WASF1: variants seen among roughly 807,000 people sequenced by gnomAD.
WASF1 encodes WASP family member 1, also known as actin-binding protein WASF1.
Under a neutral mutation model 50.5 loss-of-function variants are expected in WASF1, and 7 were observed. The ratio of observed to expected loss-of-function variants is 0.14; its 90% CI spans 0.08 to 0.26. The LOEUF (loss-of-function observed/expected upper bound fraction) is 0.26, where lower values mean the gene tolerates loss of function less well. WASF1 is among the 10% of genes least tolerant of loss of function. The pLI is 1.00. For missense variants in WASF1, 470 were observed against 694.7 expected (o/e 0.68, Z 3.64); for synonymous variants, 205 against 244.0 (o/e 0.84, Z 1.49).
At chr6:110,142,103 G>C (rs973766628) in intron 3 of WASF1, among the ~76,000 whole-genome samples, 1 of 152,100 alleles carries the variant, frequency 6.6e-6, no homozygotes, top group Non-Finnish European at 1.5e-5. Flanking sequence ...ATACATTTGA[G>C]AAAAATAATA....
intron 2 of WASF1, among the ~76,000 whole-genome samples, 185 bp from the exon 3 acceptor site, chr6:110,160,917 T>C (rs1335858820): frequency 6.6e-6 from 1 of 151,596 alleles, no homozygotes; most frequent in African/African-American, 2.4e-5. Flanking sequence ...AGTAAAATCC[T>C]CATTAATCAT....
intron 2 of WASF1, among the ~76,000 whole-genome samples, chr6:110,170,954 A>G (rs1776687692): frequency 6.6e-6 from 1 of 152,190 alleles, no homozygotes; most frequent in African/African-American, 2.4e-5. Context: ...AAAAACTGAT[A>G]AAACTACAAG....
At chr6:110,172,698 A>G (rs1389595694) in intron 2 of WASF1, among the ~76,000 whole-genome samples, 2 of 152,170 alleles carry the variant, frequency 1.3e-5, no homozygotes, top group African/African-American at 2.4e-5. Context: ...GTCAAATACC[A>G]TATTTTCTCA....
At chr6:110,144,960 A>G (rs1775475232) in intron 3 of WASF1, among the ~76,000 whole-genome samples, 2 of 152,190 alleles carry the variant, frequency 1.3e-5, no homozygotes, top group South Asian at 2.1e-4. Context: ...TTGGTTCCAT[A>G]TGAACTTTAA....
intron 2 of WASF1, among the ~76,000 whole-genome samples, chr6:110,161,093 CAA>C (rs749680732): frequency 1.9e-4 from 29 of 151,464 alleles, no homozygotes; most frequent in Non-Finnish European, 4.1e-4. Flanking sequence ...CAATAAATCA[CAA>C]AGTCCTTTCA....
At chr6:110,126,190 T>A (rs564164920) in intron 4 of WASF1, among the ~76,000 whole-genome samples, 2 of 152,296 alleles carry the variant, frequency 1.3e-5, no homozygotes, top group East Asian at 3.9e-4. Context: ...CAATCCGTGC[T>A]AGGTCACAAA....
intron 3 of WASF1, among the ~76,000 whole-genome samples, chr6:110,149,122 CA>C (rs1775709490): frequency 6.6e-6 from 1 of 152,090 alleles, no homozygotes; most frequent in African/African-American, 2.4e-5. Flanking sequence ...GTATTTGGGA[CA>C]GGGGTAGTGG....
chr6:110,143,384 ACTCT>A (rs1009649229), intron 3 of WASF1, among the ~76,000 whole-genome samples: 5 of 151,914 alleles, frequency 3.3e-5, no homozygotes, highest in African/African-American at 9.7e-5. Context: ...TTGATAATAT[ACTCT>A]CTGTTAAAGA....
chr6:110,173,793 A>T (rs1776813627), intron 2 of WASF1, among the ~76,000 whole-genome samples: 1 of 152,152 alleles, frequency 6.6e-6, no homozygotes, highest in African/African-American at 2.4e-5. Context: ...TTTGTATCTC[A>T]CAGCTTCAGC....
At chr6:110,171,799 T>C (rs1480206340) in intron 2 of WASF1, among the ~76,000 whole-genome samples, 3 of 152,100 alleles carry the variant, frequency 2.0e-5, no homozygotes, top group Non-Finnish European at 2.9e-5. Context: ...AAAGGGCTAA[T>C]ATTCAGAATC....
intron 4 of WASF1, among the ~76,000 whole-genome samples, chr6:110,119,387 T>C (rs1773977289): frequency 6.6e-6 from 1 of 152,130 alleles, no homozygotes; most frequent in Non-Finnish European, 1.5e-5. Context: ...AAATACAAAC[T>C]ACCATCAGAG....
At chr6:110,124,260 CTCTCTCTCTCTCTCTATA>C (rs1774303090) in intron 4 of WASF1, among the ~76,000 whole-genome samples, 4 of 59,938 alleles carry the variant, frequency 6.7e-5, no homozygotes, top group Admixed American at 2.0e-4. Context: ...CTCTCTCTCT[CTCTCTCTCTCTCTCTATA>C]TATATATATA....
intron 3 of WASF1, among the ~76,000 whole-genome samples, chr6:110,143,288 C>G (rs1245029901): frequency 2.6e-5 from 4 of 151,768 alleles, no homozygotes; most frequent in African/African-American, 9.7e-5. Context: ...TTTAAGAAGG[C>G]AAGGAAAATG....
chr6:110,122,874 C>T (rs952076030), intron 4 of WASF1, among the ~76,000 whole-genome samples: 2 of 151,850 alleles, frequency 1.3e-5, no homozygotes, highest in Non-Finnish European at 1.5e-5. Flanking sequence ...GATCTGTGCC[C>T]CTTACCCCTA....
intron 3 of WASF1, among the ~76,000 whole-genome samples, chr6:110,144,298 G>T (rs1480137464): frequency 6.6e-6 from 1 of 152,006 alleles, no homozygotes; most frequent in East Asian, 1.9e-4. Context: ...TTCCCCACTT[G>T]GTGATGGGGT....
intron 3 of WASF1, among the ~76,000 whole-genome samples, chr6:110,148,716 T>C (rs1337620282): frequency 3.9e-5 from 6 of 152,192 alleles, no homozygotes; most frequent in African/African-American, 1.4e-4. Flanking sequence ...TGACCATTCA[T>C]TCTAATTGCT....
At chr6:110,172,220 A>G (rs6941101) in intron 2 of WASF1, among the ~76,000 whole-genome samples, 10,777 of 152,282 alleles carry the variant, frequency 0.071, 508 homozygotes, top group African/African-American at 0.14. Context: ...GCTACTATAA[A>G]GACAAATGCA....
intron 2 of WASF1, among the ~76,000 whole-genome samples, chr6:110,174,261 T>C (rs2114628700): frequency 6.6e-6 from 1 of 152,260 alleles, no homozygotes; most frequent in Admixed American, 6.5e-5. Flanking sequence ...TCCCTCTTCT[T>C]TTCCTTTACA....
At position 110,101,737 on chromosome 6, in the gene WASF1, G is replaced by A. The variant is rs142689620; in HGVS notation, c.1373C>T (p.Thr458Ile). Residue 458 changes from threonine (T) to isoleucine (I), a missense_variant, in exon 10 of 11, where the codon ACT becomes ATT. Thr to Ile is a moderately conservative substitution (Grantham distance 89). Transcript: ENST00000392589. ...LAHPPSGLHP[T>I]PSTAPGPHVP... ...ATGGGGACCTGGGGCAGTAGATGGA[G>A]TTGGATGTAGCCCAGAGGGAGGATG... 1 of 1,614,166 alleles carries A rather than the reference G, an allele frequency of 6.2e-7. No homozygotes were observed. The highest frequency in any genetic ancestry group is 8.5e-7 in the Non-Finnish European group (1 of 1,180,022).
Sources: allele counts gnomAD v4.1 joint callset (sites outside exome capture counted in the v4.1 genomes callset), GRCh38; gene constraint gnomAD v4.1.1; transcripts MANE v1.5; gene names NCBI Gene and HGNC (gene_info 2026-07-23, HGNC 2026-07-21).